ZIC5: variants seen among roughly 807,000 people sequenced by gnomAD.
ZIC5 encodes zinc finger protein ZIC 5.
ZIC5 carries 20 observed loss-of-function variants against 28.5 expected under a neutral mutation model. That is an observed-to-expected ratio of 0.70 (90% CI 0.49 to 1.02). ZIC5 has a LOEUF of 1.02. ZIC5 is among the 50% of genes least tolerant of loss of function. The pLI is 0.00. For missense variants in ZIC5, 951 were observed against 899.7 expected, an observed-to-expected ratio of 1.06 and a Z score of -0.73; for synonymous variants, 488 against 410.4, an observed-to-expected ratio of 1.19 and a Z score of -2.29.
In ZIC5 at chr13:99,970,206, G is replaced by C; in HGVS notation, c.1398C>G (p.Pro466=). The C allele has an allele frequency of 6.2e-7, 1 of 1,613,602 alleles. No individual in the cohort carries two copies. Among genetic ancestry groups the C allele is most frequent in the Non-Finnish European group, 8.5e-7 (1 of 1,179,772 alleles). Residue 466 remains proline, a synonymous_variant, in exon 1 of 2, where the codon CCC becomes CCG. Coordinates refer to ENST00000267294, the MANE Select transcript of ZIC5 (RefSeq NM_033132.5). ...NHIRVHTGEK[P]FPCPFPGCGK... is the part of the protein sequence containing the mutation. ...CGCAGCCGGGGAAAGGGCAGGGAAA[G>C]GGCTTCTCGCCGGTGTGCACGCGGA...
chr13:99,970,343 C>A lies in ZIC5; in HGVS notation c.1261G>T (p.Val421Phe). 6.2e-7 allele frequency: 1 copy of A among 1,605,548 alleles called. No individual in the cohort carries two copies. The highest frequency in any genetic ancestry group is 8.5e-7 in the Non-Finnish European group (1 of 1,177,322). The change falls in exon 1 of 2, where the codon GTC (valine) becomes TTC (phenylalanine). Residue 421 changes from valine to phenylalanine, a missense_variant. Around this residue, in one of 3 missense-constraint regions of ZIC5, gnomAD observed 784 missense variants for 660.1 expected, o/e 1.19. Coordinates refer to ENST00000267294, the MANE Select transcript of ZIC5 (RefSeq NM_033132.5). ...FGTMHELVNHVTVEHVGGPEQ... is the reference protein window; with the variant it reads ...FGTMHELVNHFTVEHVGGPEQ... ...GGGCCTCCCACGTGCTCCACCGTGA[C>A]GTGATTCACCAGCTCGTGCATGGTG... is the stretch of plus-strand genomic sequence containing the variant.
chr13:99,970,824 C>A lies in ZIC5; in HGVS notation c.780G>T (p.Gly260=). ...CCGCGGCTGCCGCTGCCGCCGCCAG[C>A]CCCAGGCGCATCTGGCCGTTGAGCG... ...PHPLNGQMRL[G]LAAAAAAAAA... Residue 260 remains glycine (G), a synonymous_variant, in exon 1 of 2, where the codon GGG becomes GGT. Coordinates refer to ENST00000267294, the MANE Select transcript of ZIC5 (RefSeq NM_033132.5). The A allele has an allele frequency of 8.1e-7, 1 of 1,228,894 alleles. No homozygotes were observed. The highest frequency in any genetic ancestry group is 1.0e-6 in the Non-Finnish European group (1 of 990,576). 76.1% of individuals were successfully genotyped at this position (1,228,894 alleles called of 1,614,324 possible).
chr13:99,969,566 C>T (rs1226256027), intron 1 of ZIC5, among the ~76,000 whole-genome samples: 1 of 152,120 alleles, frequency 6.6e-6, no homozygotes, highest in Non-Finnish European at 1.5e-5. Context: ...TTCCTGTCTT[C>T]CCGGAGGGGT....
rs540309805 is a variant in ZIC5, at chr13:99,963,125, C to G, written c.*2252G>C. The G allele has an allele frequency of 1.3e-5, 2 of 152,394 alleles. No homozygotes were observed. The highest frequency in any genetic ancestry group is 4.2e-4 in the South Asian group (2 of 4,806). The allele number at this position is 152,394 out of a possible 1,614,324, so 9.4% of individuals were successfully genotyped here. ...TTTTTATTTTAGGTGTATCAAGAAC[C>G]AATAAATCTGTGGCAAAGAGTTAAC... On this transcript the variant is annotated 3_prime_UTR_variant, in exon 2 of 2. Coordinates refer to ENST00000267294, the MANE Select transcript of ZIC5 (RefSeq NM_033132.5).
intron 1 of ZIC5, among the ~76,000 whole-genome samples, chr13:99,969,912 G>C: frequency 6.6e-6 from 1 of 151,528 alleles, no homozygotes; most frequent in South Asian, 2.1e-4. Flanking sequence ...CGCGGGGCCT[G>C]TGTGTGCTAT....
chr13:99,970,666 G>A lies in ZIC5; in HGVS notation c.938C>T (p.Ala313Val). 3 of 1,162,116 alleles carry A rather than the reference G, an allele frequency of 2.6e-6. No homozygotes were observed. Among genetic ancestry groups the A allele is most frequent in the East Asian group, 7.0e-5 (1 of 14,332 alleles). 72.0% of individuals were successfully genotyped at this position (1,162,116 alleles called of 1,614,324 possible). ...YGAVNLNLNL[A>V]AAAAAAAAGP... ...GGCCGCTGCTGCGGCCGCCGCAGCC[G>A]CCAGGTTCAGGTTTAAGTTCACGGC... The change falls in exon 1 of 2, where the codon GCG becomes GTG. Residue 313 changes from alanine to valine, a missense_variant. Coordinates refer to ENST00000267294, the MANE Select transcript of ZIC5 (RefSeq NM_033132.5).
At chr13:99,966,082 G>A (rs940930971) in intron 1 of ZIC5, among the ~76,000 whole-genome samples, 5 of 152,098 alleles carry the variant, frequency 3.3e-5, no homozygotes, top group African/African-American at 7.2e-5. Context: ...GAGATCCCTA[G>A]TGCTGAGCTA....
chr13:99,966,129 C>T (rs1035221612), intron 1 of ZIC5, among the ~76,000 whole-genome samples: 36 of 152,022 alleles, frequency 2.4e-4, no homozygotes, highest in African/African-American at 8.2e-4. Context: ...ACCTGGGACC[C>T]GCAGACCCCC....
In ZIC5 at chr13:99,970,722, G is replaced by A; in HGVS notation, c.882C>T (p.Ala294=). 1 of 1,194,108 alleles carries A rather than the reference G, an allele frequency of 8.4e-7. No individual in the cohort carries two copies. Among genetic ancestry groups the A allele is most frequent in the Non-Finnish European group, 1.0e-6 (1 of 960,408 alleles). 74.0% of individuals were successfully genotyped at this position (1,194,108 alleles called of 1,614,324 possible). A position where few individuals can be genotyped will look rare whatever the true frequency, so the allele number is the denominator to read the frequency against. Reference sequence around the variant, plus strand: ...AGCCGTGCAGGGCGGCCGCCGCTGCGGCCGCAACCGCCCCGTAGTGCGCGT... The same window carrying A: ...AGCCGTGCAGGGCGGCCGCCGCTGCAGCCGCAACCGCCCCGTAGTGCGCGT... ...SGDAHYGAVA[A]AAAAALHGYG... Residue 294 remains alanine, a synonymous_variant, in exon 1 of 2, where the codon GCC becomes GCT. Transcript: ENST00000267294.
chr13:99,970,948 G>A lies in ZIC5; in HGVS notation c.656C>T (p.Ser219Phe), dbSNP rs1403864820. ...PPPHSAGMFI[S>F]ASGTYAGPDG... Reference sequence around the variant, plus strand: ...CGGGCCCGCGTAGGTGCCGCTGGCGGAGATGAACATGCCGGCCGAGTGGGG... The same window carrying A: ...CGGGCCCGCGTAGGTGCCGCTGGCGAAGATGAACATGCCGGCCGAGTGGGG... The change falls in exon 1 of 2, where the codon TCC (serine) becomes TTC (phenylalanine). Residue 219 changes from serine to phenylalanine, a missense_variant. Physicochemically the swap from Ser to Phe is radical, Grantham distance 155 (BLOSUM62 -2). Coordinates refer to ENST00000267294, the MANE Select transcript of ZIC5 (RefSeq NM_033132.5). The A allele has an allele frequency of 7.0e-5, 98 of 1,396,518 alleles. No homozygotes were observed. Among genetic ancestry groups the A allele is most frequent in the Non-Finnish European group, 8.9e-5 (97 of 1,086,556 alleles). The allele number at this position is 1,396,518 out of a possible 1,614,324, so 86.5% of individuals were successfully genotyped here.
rs1205232990 is a variant in ZIC5, at chr13:99,965,694, C to T, written c.1603G>A (p.Asp535Asn). 1.2e-6 allele frequency: 2 copies of T among 1,614,214 alleles called. No homozygotes were observed. The highest frequency in any genetic ancestry group is 1.7e-6 in the Non-Finnish European group (2 of 1,180,046). ...KPYYCKIRGC[D>N]KSYTHPSSLR... ...GAGCTTGGGTGAGTGTAGGATTTGT[C>T]ACAGCCTCGAATCTTGCAGTAGTAG... The change falls in exon 2 of 2, where the codon GAC becomes AAC. Residue 535 changes from aspartate to asparagine, a missense_variant. Asp to Asn is a conservative substitution (Grantham distance 23). Transcript: ENST00000267294.
At position 99,965,338 on chromosome 13, in the gene ZIC5, C is replaced by T. The variant is rs2053091227; in HGVS notation, c.*39G>A. 6.4e-7 allele frequency: 1 copy of T among 1,568,200 alleles called. No homozygotes were observed. The highest frequency in any genetic ancestry group is 8.6e-7 in the Non-Finnish European group (1 of 1,157,912). ...CAGGTTAGGATGTGGTCCAAGGACT[C>T]CCACTTATTATTTCACTTATTATTA... On this transcript the variant is annotated 3_prime_UTR_variant, in exon 2 of 2. Coordinates refer to ENST00000267294, the MANE Select transcript of ZIC5 (RefSeq NM_033132.5).
At position 99,970,970 on chromosome 13, in the gene ZIC5, G is replaced by C. The variant is rs1269473582; in HGVS notation, c.634C>G (p.His212Asp). Residue 212 changes from histidine to aspartate, a missense_variant, in exon 1 of 2, where the codon CAC becomes GAC. This residue lies in a region of ZIC5 where 784 missense variants were observed against 660.1 expected (regional missense o/e 1.19). Transcript: ENST00000267294. ...GCGGAGATGAACATGCCGGCCGAGT[G>C]GGGAGGCGGGGCCGGGTGCTGGGGG... The part of the protein sequence containing the change: ...GSPQHPAPPP[H>D]SAGMFISASG... 6 of 1,401,418 alleles carry C rather than the reference G, an allele frequency of 4.3e-6. No individual in the cohort carries two copies. Among genetic ancestry groups the C allele is most frequent in the Non-Finnish European group, 5.5e-6 (6 of 1,090,086 alleles). The allele number at this position is 1,401,418 out of a possible 1,614,324, so 86.8% of individuals were successfully genotyped here.
chr13:99,965,408 C>T lies in ZIC5; in HGVS notation c.1889G>A (p.Gly630Glu). Residue 630 changes from glycine (G) to glutamate (E), a missense_variant, in exon 2 of 2, where the codon GGG (glycine) becomes GAG (glutamate). Gly to Glu is a moderately conservative substitution (Grantham distance 98). This residue lies in a region of ZIC5 where 108 missense variants were observed against 118.4 expected (regional missense o/e 0.91). Transcript: ENST00000267294. The stretch of plus-strand genomic sequence containing the variant: ...TATCGTCCGCACAACTTCAGGGTTC[C>T]CGTAAATTTCCTCATCTTCAGTCTC... ...TSETEDEEIY[G>E]NPEVVRTIH 1.2e-6 allele frequency: 2 copies of T among 1,613,934 alleles called. No individual in the cohort carries two copies. Among genetic ancestry groups the T allele is most frequent in the Admixed American group, 1.7e-5 (1 of 59,986 alleles).
Position 99,971,340 on chromosome 13 carries a change from C to T in ZIC5, c.264G>A (p.Pro88=), listed in dbSNP as rs1217042848. 1.4e-6 allele frequency: 2 copies of T among 1,407,718 alleles called. No homozygotes were observed. The highest frequency in any genetic ancestry group is 9.1e-7 in the Non-Finnish European group (1 of 1,092,958). 87.2% of individuals were successfully genotyped at this position (1,407,718 alleles called of 1,614,324 possible). ...CGGCTGCCGGAGCCTCCGGGTGTGC[C>T]GGGAACGCCTGGGAGGGAGGGCTGA... ...LGLSPPSQAF[P]AHPEAPAAAA... Residue 88 remains proline (P), a synonymous_variant, in exon 1 of 2, where the codon CCG becomes CCA. Coordinates refer to ENST00000267294, the MANE Select transcript of ZIC5 (RefSeq NM_033132.5).
Position 99,970,213 on chromosome 13 carries a change from T to C in ZIC5, c.1391A>G (p.Glu464Gly). The C allele has an allele frequency of 6.2e-7, 1 of 1,613,350 alleles. No homozygotes were observed. Among genetic ancestry groups the C allele is most frequent in the Non-Finnish European group, 8.5e-7 (1 of 1,179,716 alleles). ...LINHIRVHTG[E>G]KPFPCPFPGC... ...GGGGAAAGGGCAGGGAAAGGGCTTC[T>C]CGCCGGTGTGCACGCGGATGTGGTT... Residue 464 changes from glutamate to glycine, a missense_variant, in exon 1 of 2, where the codon GAG becomes GGG. By Grantham distance (98) the Glu-to-Gly change is moderately conservative. This residue lies in a region of ZIC5 where 59 missense variants were observed against 121.2 expected (regional missense o/e 0.49). Transcript: ENST00000267294.
chr13:99,970,111 G>A lies in ZIC5; in HGVS notation c.1477+16C>T. 6.2e-7 allele frequency: 1 copy of A among 1,604,934 alleles called. No individual in the cohort carries two copies. Among genetic ancestry groups the A allele is most frequent in the Non-Finnish European group, 8.5e-7 (1 of 1,176,562 alleles). On this transcript the variant is annotated intron_variant, in intron 1 of 1. Coordinates refer to ENST00000267294, the MANE Select transcript of ZIC5 (RefSeq NM_033132.5). The stretch of plus-strand genomic sequence containing the variant: ...TGGTGGCGGCGGCGGCGGCGCGGCC[G>A]GGGACAGACACCCACCTGTATGAGT...
Position 99,970,217 on chromosome 13 carries a change from C to A in ZIC5, c.1387G>T (p.Gly463Cys). Residue 463 changes from glycine (G) to cysteine (C), a missense_variant, in exon 1 of 2, where the codon GGC becomes TGC. By Grantham distance (159) the Gly-to-Cys change is radical. This residue lies in a region of ZIC5 where 59 missense variants were observed against 121.2 expected (regional missense o/e 0.49). Coordinates refer to ENST00000267294, the MANE Select transcript of ZIC5 (RefSeq NM_033132.5). ...AAAGGGCAGGGAAAGGGCTTCTCGCCGGTGTGCACGCGGATGTGGTTGATG... is the reference window on the plus strand; with the variant it reads ...AAAGGGCAGGGAAAGGGCTTCTCGCAGGTGTGCACGCGGATGTGGTTGATG... ...KLINHIRVHT[G>C]EKPFPCPFPG... The A allele has an allele frequency of 6.2e-7, 1 of 1,613,040 alleles. No individual in the cohort carries two copies. The highest frequency in any genetic ancestry group is 8.5e-7 in the Non-Finnish European group (1 of 1,179,646).
chr13:99,965,351 T>C lies in ZIC5; in HGVS notation c.*26A>G, dbSNP rs781046589. ...GGTCCAAGGACTCCCACTTATTATTTCACTTATTATTATTAATAATAAATT... is the reference window on the plus strand; with the variant it reads ...GGTCCAAGGACTCCCACTTATTATTCCACTTATTATTATTAATAATAAATT... On this transcript the variant is annotated 3_prime_UTR_variant, in exon 2 of 2. Transcript: ENST00000267294. 1.3e-5 allele frequency: 20 copies of C among 1,586,612 alleles called. No individual in the cohort carries two copies. Among genetic ancestry groups the C allele is most frequent in the Non-Finnish European group, 1.7e-5 (20 of 1,166,924 alleles).
Sources: allele counts gnomAD v4.1 joint callset (sites outside exome capture counted in the v4.1 genomes callset), GRCh38; gene constraint gnomAD v4.1.1; regional missense constraint gnomAD v4.1.1; transcripts MANE v1.5; gene names NCBI Gene and HGNC (gene_info 2026-07-23, HGNC 2026-07-21).